KIF21A: variants seen among roughly 807,000 people sequenced by gnomAD.
The protein encoded by KIF21A is kinesin family member 21A.
In KIF21A, 114 loss-of-function variants were observed where a neutral mutation model predicts 202.9. The ratio of observed to expected loss-of-function variants is 0.56; its 90% CI spans 0.48 to 0.66. KIF21A has a LOEUF of 0.66. Ranked by LOEUF, KIF21A falls within the 30% of genes least tolerant of loss-of-function variation. The pLI is 0.00. For synonymous variants in KIF21A, 667 were observed against 670.8 expected, an observed-to-expected ratio of 0.99 and a Z score of 0.09; for missense variants, 1,677 against 1,994.9, an observed-to-expected ratio of 0.84 and a Z score of 3.04.
At chr12:39,355,668 G>A (rs1429697279) in intron 10 of KIF21A, among the ~76,000 whole-genome samples, 1 of 137,836 alleles carries the variant, frequency 7.3e-6, no homozygotes, top group Non-Finnish European at 1.5e-5. Context: ...AGGATGCAGT[G>A]CCTCAAAGGT....
intron 1 of KIF21A, among the ~76,000 whole-genome samples, chr12:39,419,210 CTA>C (rs1419815678): frequency 9.9e-5 from 15 of 152,170 alleles, no homozygotes; most frequent in African/African-American, 3.6e-4. Context: ...AGGTGTAGTT[CTA>C]ACAGTAGAAA....
At chr12:39,342,225 A>C (rs1433359507) in intron 12 of KIF21A, 101 bp from the exon 13 acceptor site, 2 of 840,294 alleles carry the variant, frequency 2.4e-6, no homozygotes, top group African/African-American at 1.7e-5. Flanking sequence ...TTGTGAAAAC[A>C]AACTTTAAAT....
At chr12:39,328,363 A>G (rs1197821517) in intron 24 of KIF21A, among the ~76,000 whole-genome samples, 1 of 152,198 alleles carries the variant, frequency 6.6e-6, no homozygotes, top group African/African-American at 2.4e-5. Flanking sequence ...GTTCTGGAGA[A>G]AGAAAGCACT....
chr12:39,305,082 TG>T, intron 34 of KIF21A, 144 bp from the exon 35 acceptor site: 1 of 588,036 alleles, frequency 1.7e-6, no homozygotes, highest in Non-Finnish European at 3.1e-6. Flanking sequence ...GATGGGATCT[TG>T]GGCCGGGTGC....
intron 1 of KIF21A, among the ~76,000 whole-genome samples, chr12:39,416,718 TATATGTAC>T (rs1566267854): frequency 1.1e-4 from 13 of 117,740 alleles, no homozygotes; most frequent in African/African-American, 1.7e-4. Flanking sequence ...TATGTGTGTA[TATATGTAC>T]ATATATATGT....
At chr12:39,311,668 T>C in intron 31 of KIF21A, 115 bp from the exon 32 acceptor site, 1 of 1,016,094 alleles carries the variant, frequency 9.8e-7, no homozygotes. Context: ...AAGTAATTAG[T>C]AATAAAATCC....
chr12:39,374,238 A>G (rs543422389), intron 1 of KIF21A, among the ~76,000 whole-genome samples: 1 of 152,314 alleles, frequency 6.6e-6, no homozygotes, highest in Admixed American at 6.5e-5. Context: ...TTGAGGTTCT[A>G]TATAGATGAA....
chr12:39,439,928 T>G (rs1033643936), intron 1 of KIF21A, among the ~76,000 whole-genome samples: 2 of 152,110 alleles, frequency 1.3e-5, no homozygotes, highest in African/African-American at 4.8e-5. Flanking sequence ...AAACCTCTAA[T>G]AAAACATAAG....
rs1301764198 is a variant in KIF21A, at chr12:39,363,178, G to A, written c.939C>T (p.Asp313=). 1 of 1,612,850 alleles carries A rather than the reference G, an allele frequency of 6.2e-7. No individual in the cohort carries two copies. Among genetic ancestry groups the A allele is most frequent in the Non-Finnish European group, 8.5e-7 (1 of 1,179,206 alleles). The change falls in exon 7 of 38, where the codon GAC becomes GAT. Residue 313 remains aspartate, a synonymous_variant. Coordinates refer to ENST00000361418, the MANE Select transcript of KIF21A (RefSeq NM_001173464.2). ...GGACATGTGTGGCCCTCTTGCTCTT[G>A]TCTCCCAAGGCACTTATTACATTGC... ...ALGNVISALG[D]KSKRATHVPY...
chr12:39,414,667 C>T (rs928283161), intron 1 of KIF21A, among the ~76,000 whole-genome samples: 2 of 152,148 alleles, frequency 1.3e-5, no homozygotes, highest in African/African-American at 4.8e-5. Context: ...GGTTAAGCAG[C>T]AGGCAGTGAA....
chr12:39,373,238 T>G (rs979215471), intron 1 of KIF21A, among the ~76,000 whole-genome samples: 2 of 152,206 alleles, frequency 1.3e-5, no homozygotes, highest in Non-Finnish European at 2.9e-5. Flanking sequence ...GCCGTGGTGA[T>G]GGTTTATTTT....
chr12:39,342,608 G>A (rs1334464834), intron 12 of KIF21A, among the ~76,000 whole-genome samples: 3 of 152,128 alleles, frequency 2.0e-5, no homozygotes, highest in Admixed American at 1.3e-4. Context: ...CAGTAAGCTT[G>A]TCTACACTAG....
At chr12:39,393,297 T>A (rs1014559881) in intron 1 of KIF21A, among the ~76,000 whole-genome samples, 1 of 152,066 alleles carries the variant, frequency 6.6e-6, no homozygotes. Flanking sequence ...CTCCATGGGG[T>A]TGCAGGATCT....
intron 1 of KIF21A, among the ~76,000 whole-genome samples, chr12:39,400,808 A>G (rs1015297499): frequency 6.6e-6 from 1 of 152,188 alleles, no homozygotes; most frequent in African/African-American, 2.4e-5. Context: ...CAAAACAAAA[A>G]AGAGACATGT....
rs201053867 is a variant in KIF21A, at chr12:39,328,672, GT to G, written c.3340+1569del. On this transcript the variant is annotated intron_variant, in intron 24 of 37. Coordinates refer to ENST00000361418, the MANE Select transcript of KIF21A (RefSeq NM_001173464.2). ...CTACCCTTCAGTTCCCTCATTCCAT[GT>G]CATGAACTTGCTGCTCTGGAGCATC... Among the ~76,000 whole-genome samples, 948 of 152,278 alleles carry G rather than the reference GT, an allele frequency of 6.2e-3. 29 individuals are homozygous for G. The highest frequency in any genetic ancestry group is 0.056 in the Admixed American group (849 of 15,296).
intron 1 of KIF21A, among the ~76,000 whole-genome samples, chr12:39,381,209 G>A (rs906366959): frequency 1.2e-4 from 18 of 151,562 alleles, no homozygotes; most frequent in African/African-American, 4.4e-4. Context: ...TCAGGAGGCT[G>A]AGGCAGGAGA....
intron 1 of KIF21A, among the ~76,000 whole-genome samples, chr12:39,411,638 T>G (rs549471744): frequency 1.3e-5 from 2 of 152,322 alleles, no homozygotes; most frequent in South Asian, 4.1e-4. Context: ...GTGGCCCTCT[T>G]GCCTCAGCCT....
chr12:39,309,778 AC>A lies in KIF21A; in HGVS notation c.4097-13del. 1 of 1,609,698 alleles carries A rather than the reference AC, an allele frequency of 6.2e-7. No homozygotes were observed. Among genetic ancestry groups the A allele is most frequent in the Non-Finnish European group, 8.5e-7 (1 of 1,177,814 alleles). ...TTTACAAGTACGATCTAAAACAAAC[AC>A]ATAAAAAAAAGAAAACACCATTAAT... On this transcript the variant is annotated splice_polypyrimidine_tract_variant and intron_variant, in intron 32 of 37. Transcript: ENST00000361418.
intron 24 of KIF21A, chr12:39,329,945 T>C (rs1946364477): frequency 3.3e-6 from 1 of 304,780 alleles, no homozygotes; most frequent in Non-Finnish European, 6.1e-6. Context: ...TGTTTTTCTA[T>C]AAGGAAGAGA....
Sources: allele counts gnomAD v4.1 joint callset (sites outside exome capture counted in the v4.1 genomes callset), GRCh38; gene constraint gnomAD v4.1.1; transcripts MANE v1.5; gene names NCBI Gene and HGNC (gene_info 2026-07-23, HGNC 2026-07-21).